Variants in CDK5RAP2 observed in about 807,000 individuals in gnomAD.
The protein encoded by CDK5RAP2 is CDK5 regulatory subunit associated protein 2, also known as CDK5 regulatory subunit-associated protein 2.
In CDK5RAP2, 147 loss-of-function variants were observed where a neutral mutation model predicts 232.9. The observed-to-expected ratio is 0.63, with a 90% CI of 0.55 to 0.72. CDK5RAP2 has a LOEUF of 0.72. Among genes scored for constraint, CDK5RAP2 ranks in the 30% least tolerant of loss-of-function variants. The pLI, the probability that CDK5RAP2 is intolerant of heterozygous loss-of-function variation, is 0.00. For synonymous variants in CDK5RAP2, 833 were observed against 833.7 expected (o/e 1.00, Z 0.01); for missense variants, 2,195 against 2,231.5 (o/e 0.98, Z 0.33).
chr9:120,435,499 ACAC>A (rs2035527579), intron 25 of CDK5RAP2, among the ~76,000 whole-genome samples: 1 of 150,004 alleles, frequency 6.7e-6, no homozygotes, highest in East Asian at 2.0e-4. Context: ...ACACACACAC[ACAC>A]GCCTGCTAAA....
rs879745635 is a variant in CDK5RAP2, at chr9:120,536,978, G to GAAA, written c.508-455_508-453dup. On this transcript the variant is annotated intron_variant, in intron 6 of 37. Transcript: ENST00000349780. ...TGTATCTCCAAGGTGATTCAGTTGG[G>GAAA]AAAAAAAAAAAAAAAACAACTGTAT... Among the ~76,000 whole-genome samples, 149 of 106,166 alleles carry GAAA rather than the reference G, an allele frequency of 1.4e-3. 1 individual carries two copies. The highest frequency in any genetic ancestry group is 4.7e-3 in the African/African-American group (141 of 29,730). 69.6% of individuals were successfully genotyped at this position (106,166 alleles called of 152,430 possible). A position where few individuals can be genotyped will look rare whatever the true frequency, so the allele number is the denominator to read the frequency against.
intron 26 of CDK5RAP2, among the ~76,000 whole-genome samples, chr9:120,420,294 C>T (rs765942938): frequency 2.2e-4 from 33 of 152,120 alleles, no homozygotes; most frequent in Non-Finnish European, 4.0e-4. Context: ...TTTAGTTGGG[C>T]CTCACAGAAA....
intron 3 of CDK5RAP2, 34 bp downstream of exon 3, chr9:120,568,287 T>C (rs1588674708): frequency 6.5e-7 from 1 of 1,535,026 alleles, no homozygotes; most frequent in African/African-American, 1.4e-5. Flanking sequence ...CAGACACAAT[T>C]TGTTGGGGGC....
chr9:120,468,239 C>A (rs2037495228), intron 17 of CDK5RAP2, among the ~76,000 whole-genome samples: 1 of 152,208 alleles, frequency 6.6e-6, no homozygotes, highest in Admixed American at 6.5e-5. Flanking sequence ...GGGCAAACTG[C>A]ACAGTCTAAG....
At position 120,529,386 on chromosome 9, in the gene CDK5RAP2, CT is replaced by C. The variant is rs534372116; in HGVS notation, c.826-590del. 3.0e-4 allele frequency among the ~76,000 whole-genome samples: 45 copies of C among 152,366 alleles called. No individual in the cohort carries two copies. In the East Asian group the frequency reaches 8.3e-3, roughly 28 times the overall value. On this transcript the variant is annotated intron_variant, in intron 8 of 37. Transcript: ENST00000349780. ...GGGCGGGGGCAGGAGTCCAGGGAGGCTTTGGGGTCAGCTACTAGCAACCCAT... is the reference window on the plus strand; with the variant it reads ...GGGCGGGGGCAGGAGTCCAGGGAGGCTTGGGGTCAGCTACTAGCAACCCAT...
intron 35 of CDK5RAP2, among the ~76,000 whole-genome samples, chr9:120,396,914 A>G (rs2032515976): frequency 6.6e-6 from 1 of 152,228 alleles, no homozygotes; most frequent in Admixed American, 6.5e-5. Flanking sequence ...CAGCTATATG[A>G]CGCTGAAGCA....
At chr9:120,431,019 A>C (rs2035253297) in intron 25 of CDK5RAP2, among the ~76,000 whole-genome samples, 1 of 152,168 alleles carries the variant, frequency 6.6e-6, no homozygotes, top group Admixed American at 6.5e-5. Flanking sequence ...AGGACAAAAA[A>C]CCAAACACCG....
At position 120,403,018 on chromosome 9, in the gene CDK5RAP2, T is replaced by C. The variant is rs1414127302; in HGVS notation, c.5095A>G (p.Ser1699Gly). 13 of 1,614,074 alleles carry C rather than the reference T, an allele frequency of 8.1e-6. No homozygotes were observed. Among genetic ancestry groups the C allele is most frequent in the African/African-American group, 1.3e-5 (1 of 74,942 alleles). ...GGAGTGCTAGTTGCCGAACTGCCAC[T>C]GTCGCAGGAGAGGGAGTCCGTGTCA... Reference protein sequence around the residue: ...GNDTDSLSCDSGSSATSTPCV... With the variant: ...GNDTDSLSCDGGSSATSTPCV... The change falls in exon 34 of 38, where the codon AGT becomes GGT. Residue 1699 changes from serine to glycine, a missense_variant. By Grantham distance (56) the Ser-to-Gly change is moderately conservative. Coordinates refer to ENST00000349780, the MANE Select transcript of CDK5RAP2 (RefSeq NM_018249.6). This position sits in a 1 kb window ranked among gnomAD's most constrained non-coding sequence, Gnocchi z 4.2.
intron 3 of CDK5RAP2, among the ~76,000 whole-genome samples, chr9:120,555,819 G>A (rs1332864148): frequency 1.3e-5 from 2 of 152,206 alleles, no homozygotes; most frequent in East Asian, 1.9e-4. Context: ...GTCCCTCAGA[G>A]GGTGAATGGA....
chr9:120,437,488 G>GGA lies in CDK5RAP2; in HGVS notation c.3760_3761dup (p.Leu1255ProfsTer21). 6.2e-7 allele frequency: 1 copy of GGA among 1,614,084 alleles called. No individual in the cohort carries two copies. Among genetic ancestry groups the GGA allele is most frequent in the South Asian group, 1.1e-5 (1 of 91,086 alleles). On this transcript the variant is annotated frameshift_variant, in exon 25 of 38. Transcript: ENST00000349780. LOFTEE classifies it high-confidence loss of function. ...CATCCTTAATCTGCTGCCGTTGAAGGGAGAGCTCCCTGGCTTGGGACTGAA... is the reference window on the plus strand; with the variant it reads ...CATCCTTAATCTGCTGCCGTTGAAGGGAGAGAGCTCCCTGGCTTGGGACTGAA...
chr9:120,566,553 CAGTA>C (rs2042653009), intron 3 of CDK5RAP2, among the ~76,000 whole-genome samples: 1 of 152,162 alleles, frequency 6.6e-6, no homozygotes, highest in South Asian at 2.1e-4. Flanking sequence ...ATAACAATAA[CAGTA>C]AGAAAAGGAA....
chr9:120,481,870 C>T (rs2038336455), intron 14 of CDK5RAP2, among the ~76,000 whole-genome samples: 1 of 152,092 alleles, frequency 6.6e-6, no homozygotes, highest in African/African-American at 2.4e-5. Context: ...TGTCCTGGAG[C>T]GTTAAAGAGA....
At chr9:120,430,891 AG>A (rs2035246379) in intron 25 of CDK5RAP2, among the ~76,000 whole-genome samples, 3 of 152,280 alleles carry the variant, frequency 2.0e-5, no homozygotes, top group African/African-American at 7.2e-5. Flanking sequence ...GACTGGAGTA[AG>A]AAAATGTGGC....
intron 3 of CDK5RAP2, among the ~76,000 whole-genome samples, chr9:120,551,558 T>C (rs1180370722): frequency 6.6e-6 from 1 of 152,232 alleles, no homozygotes. Flanking sequence ...CTATAACCTT[T>C]AACCTGTATC....
chr9:120,391,350 C>A (rs1244437599), intron 36 of CDK5RAP2, among the ~76,000 whole-genome samples: 2 of 152,154 alleles, frequency 1.3e-5, no homozygotes, highest in Non-Finnish European at 2.9e-5. Context: ...AAGGAGAAGA[C>A]CGAGGAACAC....
At chr9:120,510,261 T>G (rs2040016881) in intron 12 of CDK5RAP2, among the ~76,000 whole-genome samples, 1 of 152,072 alleles carries the variant, frequency 6.6e-6, no homozygotes, top group South Asian at 2.1e-4. Flanking sequence ...CGGTACGACT[T>G]TAATTAGATT....
intron 4 of CDK5RAP2, among the ~76,000 whole-genome samples, chr9:120,549,026 G>A (rs552803768): frequency 5.9e-5 from 9 of 152,134 alleles, no homozygotes; most frequent in African/African-American, 1.4e-4. Context: ...GCGTGCTGGC[G>A]TGCACATGTA....
chr9:120,389,848 A>G, intron 36 of CDK5RAP2, 61 bp from the exon 37 acceptor site: 1 of 1,515,978 alleles, frequency 6.6e-7, no homozygotes, highest in Non-Finnish European at 9.2e-7. Flanking sequence ...AGCTGTGTGA[A>G]AGCCAAGTGC....
chr9:120,400,601 T>C (rs970538597), intron 35 of CDK5RAP2, 141 bp downstream of exon 35: 52 of 974,908 alleles, frequency 5.3e-5, no homozygotes, highest in Non-Finnish European at 7.7e-5. Context: ...AGTGAAGCCA[T>C]GGCAAACGGT....
Sources: allele counts gnomAD v4.1 joint callset (sites outside exome capture counted in the v4.1 genomes callset), GRCh38; gene constraint gnomAD v4.1.1; non-coding constraint Gnocchi (gnomAD v3.1); transcripts MANE v1.5; gene names NCBI Gene and HGNC (gene_info 2026-07-23, HGNC 2026-07-21).